ZDHHC14: variants seen among roughly 807,000 people sequenced by gnomAD.
ZDHHC14 encodes the protein palmitoyltransferase ZDHHC14.
In ZDHHC14, 16 loss-of-function variants were observed where a neutral mutation model predicts 47.7. The observed-to-expected ratio is 0.34, with a 90% CI of 0.23 to 0.51. ZDHHC14 has a LOEUF of 0.51. Among genes scored for constraint, ZDHHC14 ranks in the 20% least tolerant of loss-of-function variants. ZDHHC14 has a pLI of 0.97. For synonymous variants in ZDHHC14, 293 were observed against 278.9 expected (o/e 1.05, Z -0.50); for missense variants, 515 against 662.5 (o/e 0.78, Z 2.44).
At chr6:157,385,503 T>C (rs892498600) in intron 1 of ZDHHC14, among the ~76,000 whole-genome samples, 2 of 152,246 alleles carry the variant, frequency 1.3e-5, no homozygotes, top group Non-Finnish European at 2.9e-5. Flanking sequence ...CTTAGTCATT[T>C]AGTTTTAGCC....
chr6:157,511,530 G>C (rs1178798520), intron 1 of ZDHHC14, among the ~76,000 whole-genome samples: 2 of 148,182 alleles, frequency 1.3e-5, no homozygotes, highest in African/African-American at 5.1e-5. Flanking sequence ...ACAGGCATGC[G>C]CCACGAAGCC....
In ZDHHC14 at chr6:157,570,055, T is replaced by A. The variant is rs1783040202; in HGVS notation, c.407-22933T>A. On this transcript the variant is annotated intron_variant, in intron 2 of 8. Transcript: ENST00000359775. ...TTTATTCTTTAAAGTATAGTGTACT[T>A]ATAAATAGCATCCCCTGCTTCTGTA... Among the ~76,000 whole-genome samples, 3 of 152,240 alleles carry A rather than the reference T, an allele frequency of 2.0e-5. No homozygotes were observed. The South Asian group carries it at 6.2e-4, about 32-fold the overall frequency.
At chr6:157,474,437 T>A (rs1022796087) in intron 1 of ZDHHC14, among the ~76,000 whole-genome samples, 4 of 152,236 alleles carry the variant, frequency 2.6e-5, no homozygotes, top group African/African-American at 9.6e-5. Flanking sequence ...ACCCAGAAGA[T>A]GCATTGCTGG....
chr6:157,558,930 G>T (rs1368067114), intron 2 of ZDHHC14, among the ~76,000 whole-genome samples: 1 of 151,740 alleles, frequency 6.6e-6, no homozygotes, highest in Non-Finnish European at 1.5e-5. Flanking sequence ...ACCTCGGAGG[G>T]TGGATTTCCC....
At chr6:157,635,883 G>T (rs771855597) in intron 5 of ZDHHC14, among the ~76,000 whole-genome samples, 7 of 152,216 alleles carry the variant, frequency 4.6e-5, no homozygotes, top group Non-Finnish European at 8.8e-5. Flanking sequence ...TCGGATGGAG[G>T]TAAAGAGTTT....
At chr6:157,408,374 G>C (rs1032186684) in intron 1 of ZDHHC14, among the ~76,000 whole-genome samples, 1 of 152,012 alleles carries the variant, frequency 6.6e-6, no homozygotes, top group Admixed American at 6.6e-5. Context: ...CGTGTGCCGT[G>C]GTGGTTTGCT....
rs750975822 is a variant in ZDHHC14 at position 157,458,849 on chromosome 6, A to ATTTTTTTTTTTTTTTTTTTTTTTTTTTT, written c.245+76605_245+76606insTTTTTTTTTTTTTTTTTTTTTTTTTTTT. 5.8e-4 allele frequency among the ~76,000 whole-genome samples: 47 copies of ATTTTTTTTTTTTTTTTTTTTTTTTTTTT among 81,216 alleles called. 11 individuals carry two copies. Among genetic ancestry groups the ATTTTTTTTTTTTTTTTTTTTTTTTTTTT allele is most frequent in the Non-Finnish European group, 8.0e-4 (35 of 43,642 alleles). 53.3% of individuals were successfully genotyped at this position (81,216 alleles called of 152,430 possible). A position where few individuals can be genotyped will look rare whatever the true frequency, so the allele number is the denominator to read the frequency against. ...TACAGGTACTAGCAAATGTGGGTGG[A>ATTTTTTTTTTTTTTTTTTTTTTTTTTTT]TTTTTTTTTTTTTTTTTTTTTTGAG... On this transcript the variant is annotated intron_variant, in intron 1 of 8. Coordinates refer to ENST00000359775, the MANE Select transcript of ZDHHC14 (RefSeq NM_024630.3).
At chr6:157,473,777 T>C (rs1779411590) in intron 1 of ZDHHC14, among the ~76,000 whole-genome samples, 1 of 152,170 alleles carries the variant, frequency 6.6e-6, no homozygotes, top group South Asian at 2.1e-4. Flanking sequence ...ACAAAATTGT[T>C]TAAAATATTG....
intron 3 of ZDHHC14, among the ~76,000 whole-genome samples, chr6:157,602,201 CAA>C (rs67391412): frequency 0.04 from 5,038 of 126,968 alleles, 275 homozygotes; most frequent in African/African-American, 0.13. Flanking sequence ...GATTCTGTCT[CAA>C]AAAAAAAAAA....
intron 1 of ZDHHC14, among the ~76,000 whole-genome samples, chr6:157,511,709 T>C (rs981340201): frequency 2.6e-5 from 4 of 152,126 alleles, no homozygotes; most frequent in Non-Finnish European, 5.9e-5. Flanking sequence ...TTTTATATAA[T>C]AGTACATTTA....
At chr6:157,669,832 G>C (rs554967644) in intron 8 of ZDHHC14, among the ~76,000 whole-genome samples, 13 of 152,344 alleles carry the variant, frequency 8.5e-5, no homozygotes, top group African/African-American at 2.9e-4. Flanking sequence ...TCATTCCCAG[G>C]CCCGGCCTGC....
intron 3 of ZDHHC14, among the ~76,000 whole-genome samples, chr6:157,626,272 T>A (rs1308598475): frequency 2.6e-5 from 4 of 152,160 alleles, no homozygotes; most frequent in African/African-American, 4.8e-5. Context: ...GGAGATTCCA[T>A]CCCAGCATGT....
At chr6:157,571,365 C>T (rs1013300253) in intron 2 of ZDHHC14, among the ~76,000 whole-genome samples, 2 of 152,184 alleles carry the variant, frequency 1.3e-5, no homozygotes, top group Non-Finnish European at 2.9e-5. Flanking sequence ...TGTTGGGTGT[C>T]CCCATAAACC....
intron 1 of ZDHHC14, among the ~76,000 whole-genome samples, chr6:157,404,422 A>G (rs1002514769): frequency 1.3e-5 from 2 of 152,176 alleles, no homozygotes; most frequent in African/African-American, 2.4e-5. Context: ...GGTGTGAGCC[A>G]CTGTTCCCGG....
chr6:157,571,200 A>G (rs1277768502), intron 2 of ZDHHC14, among the ~76,000 whole-genome samples: 2 of 152,244 alleles, frequency 1.3e-5, no homozygotes, highest in African/African-American at 4.8e-5. Context: ...CAACTTCATG[A>G]GAGCATGCCT....
chr6:157,651,574 CTTT>C (rs66534937), intron 7 of ZDHHC14, among the ~76,000 whole-genome samples: 4 of 150,114 alleles, frequency 2.7e-5, no homozygotes, highest in Non-Finnish European at 3.0e-5. Context: ...TCAAGACCTC[CTTT>C]TTTTTTTTTG....
At position 157,427,225 on chromosome 6, in the gene ZDHHC14, G is replaced by A. The variant is rs965348942; in HGVS notation, c.245+44959G>A. Among the ~76,000 whole-genome samples, 1 of 152,122 alleles carries A rather than the reference G, an allele frequency of 6.6e-6. No homozygotes were observed. Among genetic ancestry groups the A allele is most frequent in the African/African-American group, 2.4e-5 (1 of 41,420 alleles). ...TGGAGGGGCAGCTGTGGGAGGGCTCGCCTCATGCCCTTGGTTTATCTGTGT... is the reference window on the plus strand; with the variant it reads ...TGGAGGGGCAGCTGTGGGAGGGCTCACCTCATGCCCTTGGTTTATCTGTGT... On this transcript the variant is annotated intron_variant, in intron 1 of 8. Coordinates refer to ENST00000359775, the MANE Select transcript of ZDHHC14 (RefSeq NM_024630.3). The surrounding 1 kb of genome is among the most constrained non-coding windows in gnomAD (Gnocchi z 4.4).
At chr6:157,668,877 G>A (rs1258195873) in intron 8 of ZDHHC14, among the ~76,000 whole-genome samples, 8 of 152,186 alleles carry the variant, frequency 5.3e-5, no homozygotes, top group Admixed American at 2.0e-4. Context: ...TTAACAAGTC[G>A]TAGGTACAGC....
rs143749829 is a variant in ZDHHC14 at position 157,473,230 on chromosome 6, T to A, written c.246-69355T>A. Reference sequence around the variant, plus strand: ...GAATACAGTATATTGTTATTAACTCTAGTCGTCATGATGTACAATAGAGCT... The same window carrying A: ...GAATACAGTATATTGTTATTAACTCAAGTCGTCATGATGTACAATAGAGCT... On this transcript the variant is annotated intron_variant, in intron 1 of 8. Coordinates refer to ENST00000359775, the MANE Select transcript of ZDHHC14 (RefSeq NM_024630.3). Among the ~76,000 whole-genome samples, 57 of 152,374 alleles carry A rather than the reference T, an allele frequency of 3.7e-4. 2 individuals carry two copies. The East Asian group carries it at 8.5e-3, about 23-fold the overall frequency.
Sources: gnomAD v4.1 joint callset for allele counts (sites outside exome capture counted in the v4.1 genomes callset) on GRCh38, gnomAD v4.1.1 for gene constraint, Gnocchi (gnomAD v3.1) non-coding constraint, MANE v1.5 for transcripts, NCBI Gene and HGNC (gene_info 2026-07-23, HGNC 2026-07-21) for gene names.